Variants in SCARB2 observed in about 807,000 individuals in gnomAD.
SCARB2 encodes the protein lysosome membrane protein 2.
Under a neutral mutation model 58.6 loss-of-function variants are expected in SCARB2, and 29 were observed. The observed-to-expected ratio is 0.49, with a 90% CI of 0.37 to 0.67. The LOEUF (loss-of-function observed/expected upper bound fraction) is 0.67. Ranked by LOEUF, SCARB2 falls within the 30% of genes least tolerant of loss-of-function variation. The probability of loss-of-function intolerance (pLI) is 0.00; values close to 1 mark genes in which losing one functional copy is unlikely to be tolerated. For missense variants in SCARB2, 488 were observed against 578.5 expected (o/e 0.84, Z 1.60); for synonymous variants, 195 against 210.1 (o/e 0.93, Z 0.62).
In SCARB2 at chr4:76,172,583, C is replaced by T. The variant is rs1688445590; in HGVS notation, c.994+1561G>A. The T allele has an allele frequency of 2.0e-5, 3 of 152,038 alleles. No homozygotes were observed. In the South Asian group the frequency reaches 6.2e-4, roughly 31 times the overall value. 9.4% of individuals were successfully genotyped at this position (152,038 alleles called of 1,614,324 possible). ...ATTTTTAATAACTCTCCAGATAATT[C>T]TGATGTAAAGCCAGGTGTGGGGGTC... On this transcript the variant is annotated intron_variant, in intron 7 of 11. Coordinates refer to ENST00000264896, the MANE Select transcript of SCARB2 (RefSeq NM_005506.4).
At chr4:76,228,812 T>A (rs1483822451) in intron 1 of SCARB2, among the ~76,000 whole-genome samples, 1 of 152,216 alleles carries the variant, frequency 6.6e-6, no homozygotes, top group Non-Finnish European at 1.5e-5. Flanking sequence ...TTAGATAACT[T>A]GATGACTATG....
At chr4:76,174,801 AT>A (rs1459506819) in intron 6 of SCARB2, 13 of 158,762 alleles carry the variant, frequency 8.2e-5, no homozygotes, top group African/African-American at 3.1e-4. Context: ...TTGATACTCA[AT>A]CCCCCCCTCC....
At chr4:76,186,520 C>G (rs569744416) in intron 2 of SCARB2, among the ~76,000 whole-genome samples, 4 of 152,104 alleles carry the variant, frequency 2.6e-5, no homozygotes, top group African/African-American at 9.6e-5. Context: ...GTACGCTGCC[C>G]GCTCAGGTAA....
At chr4:76,184,495 G>C (rs542081873) in intron 2 of SCARB2, among the ~76,000 whole-genome samples, 1 of 152,312 alleles carries the variant, frequency 6.6e-6, no homozygotes, top group African/African-American at 2.4e-5. Context: ...TAATAGCCCT[G>C]ATTTGCTTTC....
At position 76,174,170 on chromosome 4, in the gene SCARB2, A is replaced by G; in HGVS notation, c.968T>C (p.Val323Ala). The G allele has an allele frequency of 6.2e-7, 1 of 1,613,758 alleles. No homozygotes were observed. The highest frequency in any genetic ancestry group is 2.2e-5 in the East Asian group (1 of 44,864). Residue 323 changes from valine (V) to alanine (A), a missense_variant, in exon 7 of 12, where the codon GTT becomes GCT. By Grantham distance (64) the Val-to-Ala change is moderately conservative (BLOSUM62 0). Coordinates refer to ENST00000264896, the MANE Select transcript of SCARB2 (RefSeq NM_005506.4). ...ATTCTTGCAGATGCTGACATTCAGA[A>G]CTCCTGAGCCCAGGCAGTTTCCCTC... is the stretch of plus-strand genomic sequence containing the variant. The part of the protein sequence containing the change: ...IPEGNCLGSG[V>A]LNVSICKNGA...
At chr4:76,199,588 A>G (rs774507418) in intron 1 of SCARB2, among the ~76,000 whole-genome samples, 3 of 152,258 alleles carry the variant, frequency 2.0e-5, no homozygotes, top group Non-Finnish European at 4.4e-5. Context: ...GTTATTTGTT[A>G]TCTGAAATTC....
At chr4:76,228,795 C>T (rs11097291) in intron 1 of SCARB2, among the ~76,000 whole-genome samples, 22,695 of 152,020 alleles carry the variant, frequency 0.15, 1,989 homozygotes, top group East Asian at 0.35. Flanking sequence ...TTTCCTTCAT[C>T]TTGATGTTAG....
At chr4:76,228,865 C>A (rs1430039418) in intron 1 of SCARB2, among the ~76,000 whole-genome samples, 2 of 152,082 alleles carry the variant, frequency 1.3e-5, no homozygotes, top group African/African-American at 2.4e-5. Flanking sequence ...CCTGGGTGTT[C>A]TTTGAGCTTC....
intron 3 of SCARB2, 134 bp from the exon 4 acceptor site, chr4:76,179,839 G>C: frequency 1.3e-6 from 1 of 766,142 alleles, no homozygotes; most frequent in Non-Finnish European, 2.3e-6. Flanking sequence ...GAAAAATCAG[G>C]CAGTGAGCTC....
Position 76,169,954 on chromosome 4 carries a change from A to G in SCARB2, c.1026T>C (p.Phe342=), listed in dbSNP as rs745423813. ...AAACAAACCTCTCATCTGCTTGGTA[A>G]AAGTGTGGGAAAGACATAATGATGG... is the stretch of plus-strand genomic sequence containing the variant. ...GAPIIMSFPH[F]YQADERFVSA... is the part of the protein sequence containing the mutation. The change falls in exon 8 of 12, where the codon TTT becomes TTC. Residue 342 remains phenylalanine (F), a synonymous_variant. Coordinates refer to ENST00000264896, the MANE Select transcript of SCARB2 (RefSeq NM_005506.4). The G allele has an allele frequency of 1.9e-6, 3 of 1,613,892 alleles. No individual in the cohort carries two copies. The highest frequency in any genetic ancestry group is 1.7e-5 in the Admixed American group (1 of 59,986).
At chr4:76,191,109 A>G (rs891352573) in intron 2 of SCARB2, among the ~76,000 whole-genome samples, 1 of 152,222 alleles carries the variant, frequency 6.6e-6, no homozygotes, top group Non-Finnish European at 1.5e-5. Flanking sequence ...GGACACTTAG[A>G]TACTGATCCT....
chr4:76,213,009 C>A (rs575372109), intron 1 of SCARB2: 4 of 283,316 alleles, frequency 1.4e-5, no homozygotes, highest in East Asian at 9.2e-5. Context: ...CATCCCCAGG[C>A]GCACACCACT....
At chr4:76,192,619 G>A (rs555026712) in intron 2 of SCARB2, 7 of 151,866 alleles carry the variant, frequency 4.6e-5, no homozygotes, top group Non-Finnish European at 8.8e-5. Context: ...TTTGCAACCT[G>A]GCCATGTGGC....
chr4:76,176,037 A>G, intron 5 of SCARB2, 127 bp from the exon 6 acceptor site: 4 of 1,163,242 alleles, frequency 3.4e-6, no homozygotes, highest in East Asian at 2.4e-5. Flanking sequence ...ATACACAGAC[A>G]CAACAGTTTT....
At chr4:76,179,194 C>G in intron 4 of SCARB2, 1 of 352,722 alleles carries the variant, frequency 2.8e-6, no homozygotes, top group Non-Finnish European at 5.5e-6. Flanking sequence ...GGTGAGATTA[C>G]AGGTGTACAT....
intron 1 of SCARB2, 102 bp from the exon 2 acceptor site, chr4:76,195,966 T>C: frequency 1.0e-5 from 8 of 779,834 alleles, no homozygotes; most frequent in Non-Finnish European, 1.7e-5. Context: ...ACCTCCTAGA[T>C]CACTATTTTA....
At chr4:76,202,807 A>G (rs936105884) in intron 1 of SCARB2, among the ~76,000 whole-genome samples, 2 of 152,176 alleles carry the variant, frequency 1.3e-5, no homozygotes, top group Non-Finnish European at 2.9e-5. Flanking sequence ...ATAAACGATT[A>G]TCCTTGTTAT....
At chr4:76,225,179 C>T (rs1733373399) in intron 1 of SCARB2, among the ~76,000 whole-genome samples, 1 of 152,092 alleles carries the variant, frequency 6.6e-6, no homozygotes, top group Non-Finnish European at 1.5e-5. Context: ...TTTTCTTTAT[C>T]CACTCGCACT....
intron 11 of SCARB2, 22 bp from the exon 12 acceptor site, chr4:76,161,773 A>C: frequency 1.2e-6 from 2 of 1,613,916 alleles, no homozygotes; most frequent in Non-Finnish European, 1.7e-6. Context: ...AAGAGAGAAA[A>C]CAAGTTAGAT....
Sources: gnomAD v4.1 joint callset for allele counts (sites outside exome capture counted in the v4.1 genomes callset) on GRCh38, gnomAD v4.1.1 for gene constraint, MANE v1.5 for transcripts, NCBI Gene and HGNC (gene_info 2026-07-23, HGNC 2026-07-21) for gene names.